The following SUPT3H variants were observed in gnomAD, a reference collection of about 807,000 sequenced individuals.
SUPT3H encodes the protein SPT3 homolog, SAGA and STAGA complex component.
A neutral mutation model predicts 44.3 loss-of-function variants in SUPT3H; 44 were observed. That is an observed-to-expected ratio of 0.99 (90% confidence interval 0.78 to 1.28). SUPT3H has a LOEUF of 1.28. Among genes scored for constraint, SUPT3H ranks in the 50% most tolerant of loss-of-function variants. The pLI is 0.00. For synonymous variants in SUPT3H, 124 were observed against 125.6 expected (o/e 0.99, Z 0.09); for missense variants, 380 against 387.1 (o/e 0.98, Z 0.15).
chr6:45,351,778 C>A (rs1221391157), intron 2 of SUPT3H, among the ~76,000 whole-genome samples: 1 of 152,084 alleles, frequency 6.6e-6, no homozygotes, highest in Non-Finnish European at 1.5e-5. Context: ...TAGCCTTCTG[C>A]CACATCTGCC....
chr6:45,316,381 A>G (rs926695818), intron 2 of SUPT3H, among the ~76,000 whole-genome samples: 3 of 145,078 alleles, frequency 2.1e-5, no homozygotes, highest in Non-Finnish European at 4.5e-5. Flanking sequence ...GTCTATGTTG[A>G]AAGCTGTAAA....
chr6:44,885,968 T>C (rs1582219483), intron 10 of SUPT3H, among the ~76,000 whole-genome samples: 2 of 151,674 alleles, frequency 1.3e-5, no homozygotes, highest in Non-Finnish European at 2.9e-5. Flanking sequence ...ACGTGAAAAA[T>C]GCACAAGCCT....
At chr6:44,917,279 T>C (rs962185685) in intron 10 of SUPT3H, among the ~76,000 whole-genome samples, 4 of 152,148 alleles carry the variant, frequency 2.6e-5, no homozygotes, top group Non-Finnish European at 2.9e-5. Context: ...TTACGTAAAA[T>C]AGTGTTCATT....
At chr6:44,917,026 C>T (rs539903298) in intron 10 of SUPT3H, among the ~76,000 whole-genome samples, 32 of 151,696 alleles carry the variant, frequency 2.1e-4, no homozygotes, top group Admixed American at 5.9e-4. Flanking sequence ...TGACAGTATA[C>T]GTCTGTAGTC....
chr6:45,262,540 C>G (rs776149221), intron 2 of SUPT3H, among the ~76,000 whole-genome samples: 2 of 152,082 alleles, frequency 1.3e-5, no homozygotes, highest in Non-Finnish European at 2.9e-5. Flanking sequence ...AGATGTAAGA[C>G]CTAAAACTAC....
At chr6:45,200,756 A>AT (rs200408396) in intron 2 of SUPT3H, among the ~76,000 whole-genome samples, 2,037 of 151,064 alleles carry the variant, frequency 0.013, 53 homozygotes, top group African/African-American at 0.047. Flanking sequence ...GTAATATAAG[A>AT]TTTTTTTTTA....
intron 11 of SUPT3H, among the ~76,000 whole-genome samples, chr6:44,817,084 A>G (rs1049714230): frequency 3.7e-5 from 5 of 134,144 alleles, no homozygotes; most frequent in Non-Finnish European, 8.0e-5. Flanking sequence ...ACACACAAAT[A>G]TATATAAATA....
intron 1 of SUPT3H, chr6:45,371,772 C>CAACT (rs1796103504): frequency 1.1e-6 from 1 of 923,086 alleles, no homozygotes; most frequent in South Asian, 5.0e-5. Flanking sequence ...GATGGATAAG[C>CAACT]AACTATAACA....
intron 2 of SUPT3H, among the ~76,000 whole-genome samples, chr6:45,294,042 A>G (rs1276911800): frequency 6.6e-6 from 1 of 152,148 alleles, no homozygotes; most frequent in Non-Finnish European, 1.5e-5. Context: ...AAAAAAGAAA[A>G]CTACAGACCA....
chr6:45,268,822 T>A (rs149928256), intron 2 of SUPT3H, among the ~76,000 whole-genome samples: 31 of 152,332 alleles, frequency 2.0e-4, no homozygotes, highest in African/African-American at 7.2e-4. Context: ...ATATGGATTT[T>A]TACTCTGAAC....
chr6:45,143,495 T>C (rs1362891760), intron 2 of SUPT3H, among the ~76,000 whole-genome samples: 1 of 152,122 alleles, frequency 6.6e-6, no homozygotes, highest in Non-Finnish European at 1.5e-5. Flanking sequence ...AATTAAAAAT[T>C]CTTTGAACTG....
At chr6:45,147,436 C>T (rs1190727554) in intron 2 of SUPT3H, among the ~76,000 whole-genome samples, 3 of 151,984 alleles carry the variant, frequency 2.0e-5, no homozygotes, top group Non-Finnish European at 4.4e-5. Flanking sequence ...CTAGTATATG[C>T]TAGACCCAAG....
intron 10 of SUPT3H, among the ~76,000 whole-genome samples, chr6:44,830,521 A>T (rs1768468553): frequency 6.6e-6 from 1 of 152,194 alleles, no homozygotes; most frequent in Non-Finnish European, 1.5e-5. Flanking sequence ...AATAATTAAT[A>T]CGTTTCAGTA....
chr6:45,122,920 A>G (rs1801879390), intron 2 of SUPT3H, among the ~76,000 whole-genome samples: 1 of 152,230 alleles, frequency 6.6e-6, no homozygotes, highest in South Asian at 2.1e-4. Context: ...TTTCAGCTTC[A>G]TCATTAACAT....
At chr6:45,201,435 C>T (rs549563071) in intron 2 of SUPT3H, among the ~76,000 whole-genome samples, 1 of 151,772 alleles carries the variant, frequency 6.6e-6, no homozygotes, top group Non-Finnish European at 1.5e-5. Flanking sequence ...ATGCGATTAT[C>T]TATAATGAGA....
rs932208650 is a variant in SUPT3H at position 44,935,692 on chromosome 6, C to T, written c.802-2929G>A. On this transcript the variant is annotated intron_variant, in intron 9 of 10. Coordinates refer to ENST00000371459, the MANE Select transcript of SUPT3H (RefSeq NM_003599.4). ...ATAGTTCTTCAACTAGAAACTGATG[C>T]TGGGTATTAGAAGCTGAAATAGCAT... Among the ~76,000 whole-genome samples, 5 of 152,148 alleles carry T rather than the reference C, an allele frequency of 3.3e-5. No individual in the cohort carries two copies. The East Asian group carries it at 9.6e-4, about 29-fold the overall frequency.
chr6:44,970,249 T>C (rs1430723521), intron 6 of SUPT3H, among the ~76,000 whole-genome samples: 3 of 152,108 alleles, frequency 2.0e-5, no homozygotes, highest in Non-Finnish European at 4.4e-5. Flanking sequence ...AAATTTTTAA[T>C]CTAAATTTAT....
At chr6:45,258,652 C>G (rs1773813160) in intron 2 of SUPT3H, among the ~76,000 whole-genome samples, 1 of 152,046 alleles carries the variant, frequency 6.6e-6, no homozygotes, top group South Asian at 2.1e-4. Flanking sequence ...AGGAAGCAAC[C>G]ATTTCAAAAA....
intron 10 of SUPT3H, among the ~76,000 whole-genome samples, chr6:44,900,871 C>T (rs186048271): frequency 9.2e-5 from 14 of 152,280 alleles, no homozygotes; most frequent in Admixed American, 3.9e-4. Context: ...CACCAATATC[C>T]GCTGTTCTGC....
Sources: gnomAD v4.1 joint callset for allele counts (sites outside exome capture counted in the v4.1 genomes callset) on GRCh38, gnomAD v4.1.1 for gene constraint, MANE v1.5 for transcripts, NCBI Gene and HGNC (gene_info 2026-07-23, HGNC 2026-07-21) for gene names.